The following EIF4G3 variants were observed in gnomAD, a reference collection of about 807,000 sequenced individuals.
EIF4G3 encodes eukaryotic translation initiation factor 4 gamma 3, also known as eIF-4-gamma 3.
A neutral mutation model predicts 186.4 loss-of-function variants in EIF4G3; 34 were observed. The ratio of observed to expected loss-of-function variants is 0.18; its 90% confidence interval spans 0.14 to 0.24. The LOEUF (loss-of-function observed/expected upper bound fraction) is 0.24, where lower values mean the gene tolerates loss of function less well. EIF4G3 is among the 10% of genes least tolerant of loss of function. The pLI, the probability that EIF4G3 is intolerant of heterozygous loss-of-function variation, is 1.00. For missense variants in EIF4G3, 1,536 were observed against 1,948.5 expected, an observed-to-expected ratio of 0.79 and a Z score of 3.99; for synonymous variants, 673 against 679.5, an observed-to-expected ratio of 0.99 and a Z score of 0.15.
intron 14 of EIF4G3, among the ~76,000 whole-genome samples, chr1:20,925,347 T>C (rs2094813333): frequency 6.6e-6 from 1 of 152,198 alleles, no homozygotes; most frequent in African/African-American, 2.4e-5. Flanking sequence ...ATATTTCAAA[T>C]ATCACTCAAA....
intron 13 of EIF4G3, among the ~76,000 whole-genome samples, chr1:20,943,972 T>TGTGTG (rs1558363073): frequency 0.029 from 1,295 of 44,814 alleles, 224 homozygotes; most frequent in Admixed American, 0.034. Context: ...TCTTTATTTT[T>TGTGTG]TTTGTGTGTG....
chr1:20,998,944 G>A, intron 6 of EIF4G3: 1 of 264,444 alleles, frequency 3.8e-6, no homozygotes, highest in Non-Finnish European at 7.9e-6. Flanking sequence ...AGATGAATTA[G>A]ATTGAAGATT....
chr1:20,962,297 A>C (rs1271562410), intron 12 of EIF4G3, among the ~76,000 whole-genome samples: 2 of 152,168 alleles, frequency 1.3e-5, no homozygotes, highest in African/African-American at 4.8e-5. Flanking sequence ...TTTTTTTCTC[A>C]GTATGTATGT....
chr1:20,981,554 A>G (rs1392733340), intron 8 of EIF4G3, among the ~76,000 whole-genome samples: 4 of 50,176 alleles, frequency 8.0e-5, no homozygotes, highest in African/African-American at 3.0e-4. Flanking sequence ...CTGTATGTAT[A>G]CATACATACA....
intron 11 of EIF4G3, 122 bp from the exon 12 acceptor site, chr1:20,969,718 C>T: frequency 1.2e-6 from 1 of 859,554 alleles, no homozygotes. Context: ...TGATAATCAC[C>T]ACATTTGACT....
chr1:21,157,498 C>G (rs751452747), intron 2 of EIF4G3, among the ~76,000 whole-genome samples: 2 of 151,878 alleles, frequency 1.3e-5, no homozygotes, highest in East Asian at 3.9e-4. Flanking sequence ...ACCACTACAC[C>G]TGGCTAATTT....
chr1:20,830,640 C>G (rs1422276996), intron 30 of EIF4G3, among the ~76,000 whole-genome samples: 1 of 152,158 alleles, frequency 6.6e-6, no homozygotes, highest in Admixed American at 6.5e-5. Flanking sequence ...CCATGCTGGT[C>G]TTTCAGCAGT....
chr1:20,854,869 T>C lies in EIF4G3; in HGVS notation c.3433+109A>G, dbSNP rs1387026323. The C allele has an allele frequency of 7.9e-6, 6 of 755,518 alleles. No individual in the cohort carries two copies. In the Admixed American group the frequency reaches 1.0e-4, roughly 13 times the overall value. 46.8% of individuals were successfully genotyped at this position (755,518 alleles called of 1,614,324 possible). A position where few individuals can be genotyped will look rare whatever the true frequency, so the allele number is the denominator to read the frequency against. ...CTACCAATAAAATTTTAGGCATGATTAGTCTACACATCTTTCCCAAAAACC... is the reference window on the plus strand; with the variant it reads ...CTACCAATAAAATTTTAGGCATGATCAGTCTACACATCTTTCCCAAAAACC... On this transcript the variant is annotated intron_variant, in intron 26 of 36. Transcript: ENST00000602326.
At chr1:20,906,811 T>C (rs1020739666) in intron 14 of EIF4G3, among the ~76,000 whole-genome samples, 2 of 149,666 alleles carry the variant, frequency 1.3e-5, no homozygotes, top group Admixed American at 6.7e-5. Context: ...AAAAACTGGA[T>C]ACACACACAC....
At chr1:21,084,696 A>T (rs1207224363) in intron 3 of EIF4G3, among the ~76,000 whole-genome samples, 4 of 151,888 alleles carry the variant, frequency 2.6e-5, no homozygotes, top group Admixed American at 2.6e-4. Flanking sequence ...TTCTACCACA[A>T]ATGTTTTTTT....
chr1:20,842,524 C>T (rs532563672), intron 29 of EIF4G3, among the ~76,000 whole-genome samples: 5 of 152,272 alleles, frequency 3.3e-5, no homozygotes, highest in Admixed American at 1.3e-4. Flanking sequence ...TGAGCCACTA[C>T]GCCTGGCTAA....
chr1:20,866,910 T>C (rs762214585), intron 20 of EIF4G3, among the ~76,000 whole-genome samples: 10 of 152,156 alleles, frequency 6.6e-5, no homozygotes, highest in Non-Finnish European at 1.3e-4. Context: ...TATAACTGAC[T>C]GACAAGAAAA....
intron 31 of EIF4G3, among the ~76,000 whole-genome samples, chr1:20,828,572 A>G (rs528530577): frequency 8.5e-5 from 13 of 152,312 alleles, no homozygotes; most frequent in African/African-American, 3.1e-4. Context: ...ATCTCAAAGA[A>G]AAGGGACATG....
chr1:21,019,329 T>C (rs1447022905), intron 4 of EIF4G3, among the ~76,000 whole-genome samples: 1 of 152,272 alleles, frequency 6.6e-6, no homozygotes. Context: ...TATTTGTAAA[T>C]GCTTGCTTGT....
At chr1:20,940,143 A>G (rs1405304583) in intron 14 of EIF4G3, among the ~76,000 whole-genome samples, 1 of 152,156 alleles carries the variant, frequency 6.6e-6, no homozygotes, top group Non-Finnish European at 1.5e-5. Context: ...GGCATGAGCC[A>G]CTGCACCCGG....
intron 3 of EIF4G3, among the ~76,000 whole-genome samples, chr1:21,058,531 AT>A (rs113674702): frequency 9.6e-5 from 14 of 146,590 alleles, no homozygotes; most frequent in Admixed American, 2.0e-4. Flanking sequence ...TTGCTTTTTC[AT>A]TTTTTTTTTA....
chr1:20,851,161 G>C (rs1012216439), intron 28 of EIF4G3, 97 bp downstream of exon 28: 28 of 1,073,568 alleles, frequency 2.6e-5, no homozygotes, highest in Non-Finnish European at 3.7e-5. Context: ...TTGCTATTAT[G>C]TGTTAATTCT....
At chr1:21,120,619 C>CA (rs67743322) in intron 2 of EIF4G3, among the ~76,000 whole-genome samples, 9,710 of 73,844 alleles carry the variant, frequency 0.13, 456 homozygotes, top group East Asian at 0.21. Flanking sequence ...GACTCCATCT[C>CA]AAAAAAAAAA....
At chr1:20,840,691 A>G (rs2154549192) in intron 30 of EIF4G3, among the ~76,000 whole-genome samples, 165 bp downstream of exon 30, 1 of 152,336 alleles carries the variant, frequency 6.6e-6, no homozygotes, top group East Asian at 1.9e-4. Flanking sequence ...ATGCCATCAC[A>G]TCAACCAACA....
Sources: allele counts gnomAD v4.1 joint callset (sites outside exome capture counted in the v4.1 genomes callset), GRCh38; gene constraint gnomAD v4.1.1; transcripts MANE v1.5; gene names NCBI Gene and HGNC (gene_info 2026-07-23, HGNC 2026-07-21).